Variants in NEO1 observed in about 807,000 individuals in gnomAD.
NEO1 encodes the protein neogenin 1.
NEO1 carries 63 observed loss-of-function variants against 159.7 expected under a neutral mutation model. The ratio of observed to expected loss-of-function variants is 0.39; its 90% CI spans 0.32 to 0.49. NEO1 has a LOEUF of 0.49. NEO1 is among the 20% of genes least tolerant of loss of function. NEO1 has a pLI of 0.85. For missense variants in NEO1, 1,615 were observed against 1,831.0 expected (o/e 0.88, Z 2.15); for synonymous variants, 633 against 662.0 (o/e 0.96, Z 0.67).
intron 8 of NEO1, among the ~76,000 whole-genome samples, chr15:73,237,451 C>T (rs890170194): frequency 1.3e-5 from 2 of 152,190 alleles, no homozygotes; most frequent in Admixed American, 6.5e-5. Context: ...GTAGTAAATT[C>T]CTTCACTGTG....
At chr15:73,276,637 GT>G in intron 21 of NEO1, among the ~76,000 whole-genome samples, 1 of 152,168 alleles carries the variant, frequency 6.6e-6, no homozygotes. Flanking sequence ...CTTTTGGTAG[GT>G]TTTCAGTTTC....
chr15:73,159,829 A>G (rs1054822165), intron 5 of NEO1, among the ~76,000 whole-genome samples: 1 of 152,136 alleles, frequency 6.6e-6, no homozygotes, highest in Non-Finnish European at 1.5e-5. Context: ...TACAATTTAG[A>G]TTTTTATAGA....
At chr15:73,171,496 C>T (rs529246845) in intron 5 of NEO1, among the ~76,000 whole-genome samples, 153 of 151,800 alleles carry the variant, frequency 1.0e-3, no homozygotes, top group African/African-American at 3.5e-3. Context: ...TCTGGGAAGT[C>T]GAGGCTGCAG....
At chr15:73,237,725 A>G (rs1460999946) in intron 8 of NEO1, among the ~76,000 whole-genome samples, 1 of 151,826 alleles carries the variant, frequency 6.6e-6, no homozygotes, top group African/African-American at 2.4e-5. Context: ...ACATAGTTCT[A>G]TACATAAAAA....
At chr15:73,093,911 T>G (rs1323622882) in intron 1 of NEO1, among the ~76,000 whole-genome samples, 1 of 152,146 alleles carries the variant, frequency 6.6e-6, no homozygotes, top group African/African-American at 2.4e-5. Flanking sequence ...GGTGTCTCAT[T>G]GACATACCTC....
intron 11 of NEO1, among the ~76,000 whole-genome samples, chr15:73,250,131 A>T (rs972897531): frequency 6.6e-6 from 1 of 151,954 alleles, no homozygotes; most frequent in African/African-American, 2.4e-5. Flanking sequence ...CGTATTTGTG[A>T]CTGTTTTATC....
In NEO1 at chr15:73,302,787, C is replaced by T. The variant is rs2042672119; in HGVS notation, c.*91C>T. ...AGGAATTGTACAGAGTACGAGAGGA[C>T]AGCACTTGAGAACACAGAATGAGCC... is the stretch of plus-strand genomic sequence containing the variant. On this transcript the variant is annotated 3_prime_UTR_variant, in exon 29 of 29. Coordinates refer to ENST00000261908, the MANE Select transcript of NEO1 (RefSeq NM_002499.4). The T allele has an allele frequency of 1.7e-5, 21 of 1,215,704 alleles. No individual in the cohort carries two copies. The South Asian group carries it at 2.5e-4, about 14-fold the overall frequency. The allele number at this position is 1,215,704 out of a possible 1,614,324, so 75.3% of individuals were successfully genotyped here. A position where few individuals can be genotyped will look rare whatever the true frequency, so the allele number is the denominator to read the frequency against.
chr15:73,266,537 C>T, intron 16 of NEO1, 126 bp downstream of exon 16: 2 of 575,322 alleles, frequency 3.5e-6, no homozygotes, highest in South Asian at 9.0e-5. Context: ...GTGCTGACTT[C>T]AAATGGGAAA....
chr15:73,268,824 G>T lies in NEO1; in HGVS notation c.2495-1186G>T, dbSNP rs551006846. Among the ~76,000 whole-genome samples the T allele has an allele frequency of 1.6e-4, 25 of 152,300 alleles. No homozygotes were observed. The South Asian group carries it at 5.0e-3, about 30-fold the overall frequency. The stretch of plus-strand genomic sequence containing the variant: ...TCTGGCCTCAGAGAAGGTGTCTGTT[G>T]TATATGGCACAGGACAGCTCCATGA... On this transcript the variant is annotated intron_variant, in intron 16 of 28. Coordinates refer to ENST00000261908, the MANE Select transcript of NEO1 (RefSeq NM_002499.4).
intron 22 of NEO1, among the ~76,000 whole-genome samples, chr15:73,279,010 A>G (rs140469735): frequency 6.6e-6 from 1 of 152,354 alleles, no homozygotes; most frequent in Non-Finnish European, 1.5e-5. Context: ...AGAGAGAGAC[A>G]TATGAGAGAA....
At chr15:73,175,151 T>A (rs1017321378) in intron 5 of NEO1, among the ~76,000 whole-genome samples, 2 of 152,194 alleles carry the variant, frequency 1.3e-5, no homozygotes, top group Non-Finnish European at 2.9e-5. Context: ...CTGTCTCTAC[T>A]CACATACAAG....
intron 1 of NEO1, among the ~76,000 whole-genome samples, chr15:73,072,131 A>G (rs1311155587): frequency 2.0e-5 from 3 of 151,688 alleles, no homozygotes; most frequent in Non-Finnish European, 1.5e-5. Context: ...TTGTATTTTT[A>G]GTAGAGACAG....
At chr15:73,214,374 A>G (rs897680758) in intron 7 of NEO1, among the ~76,000 whole-genome samples, 1 of 152,148 alleles carries the variant, frequency 6.6e-6, no homozygotes, top group African/African-American at 2.4e-5. Context: ...GGGTTTTTCC[A>G]TGTTATCTTC....
chr15:73,169,357 A>C (rs575962496), intron 5 of NEO1, among the ~76,000 whole-genome samples: 15 of 152,298 alleles, frequency 9.8e-5, no homozygotes, highest in African/African-American at 3.4e-4. Context: ...CAAAATGCAT[A>C]ATCTTCCATT....
intron 1 of NEO1, among the ~76,000 whole-genome samples, chr15:73,073,910 T>C (rs923812396): frequency 3.9e-5 from 6 of 152,196 alleles, no homozygotes; most frequent in Non-Finnish European, 5.9e-5. Context: ...TTGGAGATTG[T>C]AGATTCCCAG....
intron 8 of NEO1, among the ~76,000 whole-genome samples, chr15:73,239,838 C>G (rs537593004): frequency 6.6e-6 from 1 of 152,148 alleles, no homozygotes; most frequent in Non-Finnish European, 1.5e-5. Flanking sequence ...AGTATGGTGG[C>G]AGCAGTTTTT....
In NEO1 at chr15:73,269,676, A is replaced by C. The variant is rs538748750; in HGVS notation, c.2495-334A>C. 1.4e-4 allele frequency among the ~76,000 whole-genome samples: 22 copies of C among 152,334 alleles called. No individual in the cohort carries two copies. In the South Asian group the frequency reaches 4.3e-3, roughly 30 times the overall value. ...CACCTGGCCTCATGAGGCTTTTTGA[A>C]CAGGAAGTAGAATTTTCAAGTTATT... is the stretch of plus-strand genomic sequence containing the variant. On this transcript the variant is annotated intron_variant, in intron 16 of 28. Coordinates refer to ENST00000261908, the MANE Select transcript of NEO1 (RefSeq NM_002499.4).
chr15:73,287,185 T>C (rs1430916145), intron 23 of NEO1, among the ~76,000 whole-genome samples: 2 of 152,184 alleles, frequency 1.3e-5, no homozygotes, highest in African/African-American at 2.4e-5. Context: ...CCTTCTAATA[T>C]ACCACCAGGG....
chr15:73,274,183 G>A (rs1426626071), intron 20 of NEO1, among the ~76,000 whole-genome samples, 178 bp downstream of exon 20: 2 of 150,860 alleles, frequency 1.3e-5, no homozygotes, highest in African/African-American at 4.9e-5. Context: ...GACCAAATCA[G>A]TGCTCCCTGG....
Sources: gnomAD v4.1 joint callset for allele counts (sites outside exome capture counted in the v4.1 genomes callset) on GRCh38, gnomAD v4.1.1 for gene constraint, MANE v1.5 for transcripts, NCBI Gene and HGNC (gene_info 2026-07-23, HGNC 2026-07-21) for gene names.